Variants in SORCS2 observed in about 807,000 individuals in gnomAD.
SORCS2 encodes VPS10 domain-containing receptor SorCS2.
Under a neutral mutation model 141.6 loss-of-function variants are expected in SORCS2, and 100 were observed. The observed-to-expected ratio is 0.71, with a 90% CI of 0.60 to 0.83. The LOEUF is 0.83. SORCS2 is among the 40% of genes least tolerant of loss of function. The probability of loss-of-function intolerance (pLI) is 0.00; values close to 1 mark genes in which losing one functional copy is unlikely to be tolerated. For missense variants in SORCS2, 1,646 were observed against 1,560.2 expected (o/e 1.05, Z -0.93); for synonymous variants, 789 against 676.9 (o/e 1.17, Z -2.57).
intron 1 of SORCS2, among the ~76,000 whole-genome samples, chr4:7,293,504 T>C (rs1716752998): frequency 6.6e-6 from 1 of 152,166 alleles, no homozygotes; most frequent in African/African-American, 2.4e-5. Context: ...GTTGGTTATT[T>C]TTGGCTCCCC....
At chr4:7,349,897 G>T (rs914036126) in intron 1 of SORCS2, among the ~76,000 whole-genome samples, 5 of 152,186 alleles carry the variant, frequency 3.3e-5, no homozygotes, top group Non-Finnish European at 7.3e-5. Context: ...TCTCCCAAGT[G>T]TTTGGTGTTC....
At chr4:7,395,075 C>T (rs1168610854) in intron 1 of SORCS2, among the ~76,000 whole-genome samples, 1 of 152,236 alleles carries the variant, frequency 6.6e-6, no homozygotes, top group African/African-American at 2.4e-5. Flanking sequence ...TGTTCCTGAG[C>T]ATGGCATAGC....
chr4:7,715,461 C>T (rs1363311264), intron 17 of SORCS2, 150 bp downstream of exon 17: 1 of 1,194,188 alleles, frequency 8.4e-7, no homozygotes, highest in Non-Finnish European at 1.2e-6. Flanking sequence ...ATGCCCCACG[C>T]TCACAGCACA....
At chr4:7,713,431 T>C (rs190735652) in intron 15 of SORCS2, among the ~76,000 whole-genome samples, 106 of 152,166 alleles carry the variant, frequency 7.0e-4, no homozygotes, top group Non-Finnish European at 5.7e-4. Context: ...AAGAAATGAT[T>C]TAATGGTACT....
At chr4:7,289,831 C>T (rs1716492897) in intron 1 of SORCS2, among the ~76,000 whole-genome samples, 1 of 152,194 alleles carries the variant, frequency 6.6e-6, no homozygotes, top group African/African-American at 2.4e-5. Context: ...GCTTGCGGCC[C>T]TTCCTCCCGA....
intron 1 of SORCS2, among the ~76,000 whole-genome samples, chr4:7,288,815 C>A: frequency 6.7e-6 from 1 of 150,186 alleles, no homozygotes; most frequent in Non-Finnish European, 1.5e-5. Flanking sequence ...GGGGAGGGCA[C>A]AGTTCAGTCT....
intron 1 of SORCS2, among the ~76,000 whole-genome samples, chr4:7,394,972 C>T (rs1328263312): frequency 6.6e-6 from 1 of 152,170 alleles, no homozygotes; most frequent in African/African-American, 2.4e-5. Context: ...AAATATGAAT[C>T]AATGGGTTAA....
chr4:7,338,861 C>T (rs773422322), intron 1 of SORCS2, among the ~76,000 whole-genome samples: 1 of 152,186 alleles, frequency 6.6e-6, no homozygotes, highest in African/African-American at 2.4e-5. Context: ...TCCTGGGCCT[C>T]CAAGGCTCTG....
chr4:7,464,164 C>T (rs1406871707), intron 2 of SORCS2, among the ~76,000 whole-genome samples: 1 of 152,162 alleles, frequency 6.6e-6, no homozygotes, highest in East Asian at 1.9e-4. Flanking sequence ...CAAAATGGGC[C>T]AGGCAGCTTC....
chr4:7,741,200 C>T lies in SORCS2; in HGVS notation c.*936C>T, dbSNP rs190461369. The T allele has an allele frequency of 7.9e-4, 314 of 398,708 alleles. 2 individuals are homozygous for T. In the South Asian group the frequency reaches 0.016, roughly 21 times the overall value. The allele number at this position is 398,708 out of a possible 1,614,324, so 24.7% of individuals were successfully genotyped here. A position where few individuals can be genotyped will look rare whatever the true frequency, so the allele number is the denominator to read the frequency against. On this transcript the variant is annotated 3_prime_UTR_variant, in exon 27 of 27. Transcript: ENST00000507866. Reference sequence around the variant, plus strand: ...CCAGTTTTCTGCAGTTCCTTATAGGCGAAGGGAACCGGGTGGAAACCAAGC... The same window carrying T: ...CCAGTTTTCTGCAGTTCCTTATAGGTGAAGGGAACCGGGTGGAAACCAAGC...
chr4:7,601,196 A>C (rs1486030580), intron 3 of SORCS2, among the ~76,000 whole-genome samples: 1 of 152,200 alleles, frequency 6.6e-6, no homozygotes, highest in African/African-American at 2.4e-5. Flanking sequence ...TTCCTCTTAA[A>C]TAATGCAAAG....
Position 7,649,034 on chromosome 4 carries a change from C to G in SORCS2, c.814-5100C>G, listed in dbSNP as rs1225271052. ...GACGAAGGCACTGCAGCCCCGTCCT[C>G]TCTGGCACCTGGGCCCTGAGCACAG... On this transcript the variant is annotated intron_variant, in intron 4 of 26. Transcript: ENST00000507866. 2.0e-5 allele frequency among the ~76,000 whole-genome samples: 3 copies of G among 152,268 alleles called. No homozygotes were observed. The East Asian group carries it at 5.8e-4, about 29-fold the overall frequency.
chr4:7,720,752 G>C (rs1286654230), intron 18 of SORCS2, among the ~76,000 whole-genome samples: 1 of 152,130 alleles, frequency 6.6e-6, no homozygotes. Flanking sequence ...GATGACAAAC[G>C]CCATCAGCCG....
chr4:7,721,388 C>G (rs375592725), intron 18 of SORCS2, among the ~76,000 whole-genome samples: 3 of 152,132 alleles, frequency 2.0e-5, no homozygotes, highest in African/African-American at 4.8e-5. Context: ...ATCACTTGAA[C>G]CTGGGAGTCG....
intron 5 of SORCS2, among the ~76,000 whole-genome samples, chr4:7,656,315 C>T (rs1406565619): frequency 6.6e-6 from 1 of 152,078 alleles, no homozygotes; most frequent in African/African-American, 2.4e-5. Context: ...CCACCCTGCC[C>T]TCAGTGTCTC....
chr4:7,643,967 C>G (rs1720896049), intron 4 of SORCS2, among the ~76,000 whole-genome samples: 1 of 152,184 alleles, frequency 6.6e-6, no homozygotes, highest in African/African-American at 2.4e-5. Context: ...ATGAGAAGCC[C>G]TCACTCAGCA....
chr4:7,354,210 G>A (rs1721115277), intron 1 of SORCS2, among the ~76,000 whole-genome samples: 2 of 152,122 alleles, frequency 1.3e-5, no homozygotes, highest in Admixed American at 1.3e-4. Context: ...CATCTCTCGG[G>A]GAAAGGCCAG....
At chr4:7,704,449 G>A (rs934601923) in intron 14 of SORCS2, among the ~76,000 whole-genome samples, 165 bp downstream of exon 14, 2 of 152,220 alleles carry the variant, frequency 1.3e-5, no homozygotes, top group East Asian at 1.9e-4. Context: ...GCTCCAGGCC[G>A]GCTCCACCAT....
Position 7,742,247 on chromosome 4 carries a change from C to T in SORCS2, c.*1983C>T, listed in dbSNP as rs4689158. 82,981 of 152,132 alleles carry T rather than the reference C, an allele frequency of 0.55. 23,015 individuals are homozygous for T. The highest frequency in any genetic ancestry group is 0.73 in the East Asian group (3,761 of 5,146). The allele number at this position is 152,132 out of a possible 1,614,324, so 9.4% of individuals were successfully genotyped here. On this transcript the variant is annotated 3_prime_UTR_variant, in exon 27 of 27. Coordinates refer to ENST00000507866, the MANE Select transcript of SORCS2 (RefSeq NM_020777.3). ...CTGCAAGGACACCTTTGCAGGGATTCTTGTCCTGCTGGCCACCCCACCCAC... is the reference window on the plus strand; with the variant it reads ...CTGCAAGGACACCTTTGCAGGGATTTTTGTCCTGCTGGCCACCCCACCCAC...
Sources: allele counts gnomAD v4.1 joint callset (sites outside exome capture counted in the v4.1 genomes callset), GRCh38; gene constraint gnomAD v4.1.1; transcripts MANE v1.5; gene names NCBI Gene and HGNC (gene_info 2026-07-23, HGNC 2026-07-21).